CNTNAP4: variants seen among roughly 807,000 people sequenced by gnomAD.
The protein encoded by CNTNAP4 is contactin-associated protein-like 4.
A neutral mutation model predicts 148.4 loss-of-function variants in CNTNAP4; 98 were observed. The ratio of observed to expected loss-of-function variants is 0.66; its 90% CI spans 0.56 to 0.78. The LOEUF (loss-of-function observed/expected upper bound fraction) is 0.78. Ranked by LOEUF, CNTNAP4 falls within the 30% of genes least tolerant of loss-of-function variation. The probability of loss-of-function intolerance (pLI) is 0.00; values close to 1 mark genes in which losing one functional copy is unlikely to be tolerated. For synonymous variants in CNTNAP4, 730 were observed against 565.1 expected (o/e 1.29, Z -4.14); for missense variants, 1,935 against 1,565.6 (o/e 1.24, Z -3.98).
chr16:76,425,938 G>A (rs2145036700), intron 3 of CNTNAP4, among the ~76,000 whole-genome samples: 1 of 152,232 alleles, frequency 6.6e-6, no homozygotes, highest in South Asian at 2.1e-4. Context: ...AGACATTGGG[G>A]GTGATGGCAA....
intron 14 of CNTNAP4, among the ~76,000 whole-genome samples, chr16:76,496,085 T>TTGTGTGTGTGTGTGTGTGTGTGTGTG (rs5817999): frequency 7.1e-6 from 1 of 140,036 alleles, no homozygotes; most frequent in Non-Finnish European, 1.6e-5. Context: ...CAAGATTATG[T>TTGTGTGTGTGTGTGTGTGTGTGTGTG]TGTGTGTGTG....
chr16:76,349,929 G>T (rs953257060), intron 2 of CNTNAP4, among the ~76,000 whole-genome samples: 4 of 151,828 alleles, frequency 2.6e-5, no homozygotes, highest in African/African-American at 4.8e-5. Flanking sequence ...ATATTACTAC[G>T]GGATAAAGGT....
chr16:76,297,187 G>T (rs1221637812), intron 1 of CNTNAP4, among the ~76,000 whole-genome samples: 1 of 152,104 alleles, frequency 6.6e-6, no homozygotes, highest in East Asian at 1.9e-4. Context: ...TTTAATTGAT[G>T]GCACTGTTTA....
At chr16:76,289,729 C>T (rs1959036179) in intron 1 of CNTNAP4, among the ~76,000 whole-genome samples, 1 of 152,026 alleles carries the variant, frequency 6.6e-6, no homozygotes, top group Non-Finnish European at 1.5e-5. Flanking sequence ...TGCCACCATG[C>T]CTGGCTAATT....
At chr16:76,497,441 CA>C (rs1330908063) in intron 14 of CNTNAP4, among the ~76,000 whole-genome samples, 1 of 151,532 alleles carries the variant, frequency 6.6e-6, no homozygotes, top group Non-Finnish European at 1.5e-5. Context: ...AAATGAAATA[CA>C]AAAAATATGG....
chr16:76,461,104 C>G (rs1229767432), intron 8 of CNTNAP4, among the ~76,000 whole-genome samples: 1 of 152,002 alleles, frequency 6.6e-6, no homozygotes, highest in Non-Finnish European at 1.5e-5. Context: ...TGTATTTTCT[C>G]CAAAAGACAC....
At chr16:76,519,000 T>G (rs2083357923) in intron 15 of CNTNAP4, among the ~76,000 whole-genome samples, 2 of 152,166 alleles carry the variant, frequency 1.3e-5, no homozygotes, top group African/African-American at 4.8e-5. Flanking sequence ...TTCCTCCCTC[T>G]CTTTGCCCTT....
chr16:76,457,881 C>T (rs550362937), intron 8 of CNTNAP4, among the ~76,000 whole-genome samples: 2 of 151,612 alleles, frequency 1.3e-5, no homozygotes, highest in South Asian at 4.2e-4. Flanking sequence ...ATTTGGGTTT[C>T]AATTGAACCC....
At chr16:76,537,707 C>T (rs1431641487) in intron 18 of CNTNAP4, among the ~76,000 whole-genome samples, 1 of 152,110 alleles carries the variant, frequency 6.6e-6, no homozygotes, top group Non-Finnish European at 1.5e-5. Context: ...AACATCCTTC[C>T]TTCCTAACTA....
intron 3 of CNTNAP4, among the ~76,000 whole-genome samples, chr16:76,359,161 CA>C (rs1386707528): frequency 1.3e-5 from 2 of 152,104 alleles, no homozygotes; most frequent in African/African-American, 2.4e-5. Flanking sequence ...TTACATTTTA[CA>C]AATGTGTATT....
chr16:76,523,606 A>G (rs189688620), intron 17 of CNTNAP4, among the ~76,000 whole-genome samples: 1 of 152,234 alleles, frequency 6.6e-6, no homozygotes, highest in East Asian at 1.9e-4. Context: ...AAGACATAAA[A>G]CACTATAAAG....
At chr16:76,449,397 G>A (rs1222106890) in intron 6 of CNTNAP4, among the ~76,000 whole-genome samples, 2 of 152,086 alleles carry the variant, frequency 1.3e-5, no homozygotes, top group African/African-American at 4.8e-5. Context: ...TGTGCTAGAA[G>A]CGTATCTAAA....
intron 2 of CNTNAP4, among the ~76,000 whole-genome samples, chr16:76,345,440 A>G (rs912185207): frequency 2.0e-5 from 3 of 152,246 alleles, no homozygotes; most frequent in Admixed American, 1.3e-4. Context: ...CAGTCAAGGA[A>G]GGCTATTCAA....
chr16:76,364,153 C>G (rs1428754), intron 3 of CNTNAP4, among the ~76,000 whole-genome samples: 2 of 138,954 alleles, frequency 1.4e-5, no homozygotes, highest in African/African-American at 5.5e-5. Flanking sequence ...ATGAGAATCA[C>G]TAGAACCTGG....
intron 1 of CNTNAP4, chr16:76,287,815 G>C (rs1958949931): frequency 1.3e-5 from 2 of 152,126 alleles, no homozygotes; most frequent in South Asian, 4.1e-4. Context: ...TTTTAGGTAA[G>C]CTTGACATAA....
At chr16:76,426,078 A>G (rs2079387464) in intron 3 of CNTNAP4, among the ~76,000 whole-genome samples, 2 of 152,132 alleles carry the variant, frequency 1.3e-5, no homozygotes, top group Non-Finnish European at 2.9e-5. Flanking sequence ...TGGAGATGCC[A>G]TCACAGCTGT....
chr16:76,443,827 G>C (rs746460853), intron 4 of CNTNAP4, among the ~76,000 whole-genome samples: 1 of 152,044 alleles, frequency 6.6e-6, no homozygotes, highest in South Asian at 2.1e-4. Flanking sequence ...TTGCATTGCT[G>C]TTGCTTTTTT....
intron 2 of CNTNAP4, among the ~76,000 whole-genome samples, chr16:76,334,599 A>G (rs1160336430): frequency 1.3e-5 from 2 of 152,216 alleles, no homozygotes; most frequent in African/African-American, 4.8e-5. Context: ...CTTTTTTTCT[A>G]TAATGGGAGT....
intron 4 of CNTNAP4, among the ~76,000 whole-genome samples, chr16:76,430,449 G>C (rs1385177303): frequency 6.6e-6 from 1 of 152,166 alleles, no homozygotes; most frequent in Non-Finnish European, 1.5e-5. Context: ...GAGTTTGTCT[G>C]CAACTCCCTT....
Sources: gnomAD v4.1 joint callset for allele counts (sites outside exome capture counted in the v4.1 genomes callset) on GRCh38, gnomAD v4.1.1 for gene constraint, MANE v1.5 for transcripts, NCBI Gene and HGNC (gene_info 2026-07-23, HGNC 2026-07-21) for gene names.